The following LRRK1 variants were observed in gnomAD, a reference collection of about 807,000 sequenced individuals.
LRRK1 encodes the protein leucine rich repeat kinase 1.
Under a neutral mutation model 209.1 loss-of-function variants are expected in LRRK1, and 113 were observed. That is an observed-to-expected ratio of 0.54 (90% CI 0.46 to 0.63). The LOEUF (loss-of-function observed/expected upper bound fraction) is 0.63, where lower values mean the gene tolerates loss of function less well. LRRK1 is among the 30% of genes least tolerant of loss of function. The pLI is 0.00. For missense variants in LRRK1, 2,284 were observed against 2,632.2 expected, an observed-to-expected ratio of 0.87 and a Z score of 2.89; for synonymous variants, 1,144 against 1,099.7, an observed-to-expected ratio of 1.04 and a Z score of -0.80.
intron 6 of LRRK1, among the ~76,000 whole-genome samples, chr15:101,008,316 T>G (rs1286637444): frequency 2.0e-5 from 3 of 152,168 alleles, no homozygotes; most frequent in Non-Finnish European, 4.4e-5. Context: ...TGTCTGTATC[T>G]CAGGCTCGCT....
chr15:101,048,639 T>C lies in LRRK1; in HGVS notation c.3281T>C (p.Phe1094Ser). Reference sequence around the variant, plus strand: ...TGGCAGGAAGGGCTCCTGGTCACTTTTGATGGGGGCTACCTCAGGTAGGAA... The same window carrying C: ...TGGCAGGAAGGGCTCCTGGTCACTTCTGATGGGGGCTACCTCAGGTAGGAA... Reference protein sequence around the residue: ...IYWQEGLLVTFDGGYLSVESS... With the variant: ...IYWQEGLLVTSDGGYLSVESS... Residue 1094 changes from phenylalanine (F) to serine (S), a missense_variant, in exon 22 of 34, where the codon TTT (phenylalanine) becomes TCT (serine). Transcript: ENST00000388948. 10 of 1,533,962 alleles carry C rather than the reference T, an allele frequency of 6.5e-6. No homozygotes were observed. Among genetic ancestry groups the C allele is most frequent in the Non-Finnish European group, 7.8e-6 (9 of 1,148,756 alleles).
intron 2 of LRRK1, among the ~76,000 whole-genome samples, chr15:100,939,251 TTCTA>T (rs2042358452): frequency 6.6e-6 from 1 of 152,216 alleles, no homozygotes; most frequent in Non-Finnish European, 1.5e-5. Context: ...GTCTCTTAAT[TTCTA>T]TCTTTCTCCC....
At chr15:100,941,352 GTGTGTGTGTGTGTGCCTGTA>G (rs1567190816) in intron 2 of LRRK1, among the ~76,000 whole-genome samples, 604 of 10,788 alleles carry the variant, frequency 0.056, 17 homozygotes, top group African/African-American at 0.13. Context: ...GTGTCTTTGT[GTGTGTGTGTGTGTGCCTGTA>G]TGTGTGTGTC....
intron 30 of LRRK1, 146 bp downstream of exon 30, chr15:101,061,434 A>G (rs1192779291): frequency 6.5e-6 from 4 of 612,732 alleles, no homozygotes; most frequent in East Asian, 2.8e-5. Flanking sequence ...GCAGTCCCCA[A>G]GTAATGCCAG....
chr15:101,077,292 G>C lies in LRRK1; in HGVS notation c.*8444G>C, dbSNP rs1238371196. Reference sequence around the variant, plus strand: ...AAACTTGTCATCCCTACTATCTTCTGTCTAGTCGTACTCCTATTCACCATT... The same window carrying C: ...AAACTTGTCATCCCTACTATCTTCTCTCTAGTCGTACTCCTATTCACCATT... On this transcript the variant is annotated 3_prime_UTR_variant, in exon 34 of 34. Coordinates refer to ENST00000388948, the MANE Select transcript of LRRK1 (RefSeq NM_024652.6). 7 of 152,180 alleles carry C rather than the reference G, an allele frequency of 4.6e-5. No homozygotes were observed. Among genetic ancestry groups the C allele is most frequent in the Non-Finnish European group, 8.8e-5 (6 of 68,044 alleles). The allele number at this position is 152,180 out of a possible 1,614,324, so 9.4% of individuals were successfully genotyped here. A position where few individuals can be genotyped will look rare whatever the true frequency, so the allele number is the denominator to read the frequency against.
At position 101,010,789 on chromosome 15, in the gene LRRK1, C is replaced by A; in HGVS notation, c.1233C>A (p.Val411=). The part of the protein sequence containing the change: ...HSFKSLNSLN[V]SRNNLKVFPD... Reference sequence around the variant, plus strand: ...TCAAGTCCCTCAATTCTCTGAATGTCTCCAGAAACAACCTGAAGGTGTTTC... The same window carrying A: ...TCAAGTCCCTCAATTCTCTGAATGTATCCAGAAACAACCTGAAGGTGTTTC... The change falls in exon 9 of 34, where the codon GTC becomes GTA. Residue 411 remains valine, a synonymous_variant. Transcript: ENST00000388948. 2 of 1,614,064 alleles carry A rather than the reference C, an allele frequency of 1.2e-6. No homozygotes were observed. Among genetic ancestry groups the A allele is most frequent in the Non-Finnish European group, 1.7e-6 (2 of 1,180,006 alleles).
chr15:100,991,140 C>T (rs893435886), intron 6 of LRRK1, among the ~76,000 whole-genome samples: 2 of 152,206 alleles, frequency 1.3e-5, no homozygotes, highest in Non-Finnish European at 2.9e-5. Flanking sequence ...GCATTTTCCC[C>T]AGTACCTATA....
intron 3 of LRRK1, among the ~76,000 whole-genome samples, chr15:100,978,183 C>T (rs539210432): frequency 6.6e-6 from 1 of 151,950 alleles, no homozygotes; most frequent in South Asian, 2.1e-4. Context: ...AGAAATTACC[C>T]ACTCTGGAAC....
intron 1 of LRRK1, among the ~76,000 whole-genome samples, chr15:100,921,138 G>A (rs1484335846): frequency 6.6e-6 from 1 of 152,138 alleles, no homozygotes; most frequent in Non-Finnish European, 1.5e-5. Flanking sequence ...TGGAGCTCTT[G>A]GGGTCAGAGA....
chr15:101,057,847 T>A, intron 28 of LRRK1, 143 bp from the exon 29 acceptor site: 1 of 913,092 alleles, frequency 1.1e-6, no homozygotes, highest in East Asian at 2.5e-5. Context: ...TCTGAAGCTG[T>A]TTCAGCCTCT....
intron 7 of LRRK1, 58 bp from the exon 8 acceptor site, chr15:101,010,392 T>C: frequency 6.4e-7 from 1 of 1,560,106 alleles, no homozygotes; most frequent in Non-Finnish European, 8.6e-7. Context: ...GAAAAATATG[T>C]AAATTTGGTG....
chr15:100,953,766 C>CAAA (rs2042702068), intron 2 of LRRK1, among the ~76,000 whole-genome samples: 1 of 152,114 alleles, frequency 6.6e-6, no homozygotes, highest in African/African-American at 2.4e-5. Context: ...CATACTTTTT[C>CAAA]CCATAATGGC....
At chr15:100,977,132 A>T (rs1293973771) in intron 3 of LRRK1, among the ~76,000 whole-genome samples, 1 of 151,288 alleles carries the variant, frequency 6.6e-6, no homozygotes, top group African/African-American at 2.4e-5. Flanking sequence ...TATCTCATAC[A>T]TCCCAAACCA....
chr15:100,946,736 G>T (rs1334036879), intron 2 of LRRK1, among the ~76,000 whole-genome samples: 2 of 152,168 alleles, frequency 1.3e-5, no homozygotes, highest in Non-Finnish European at 2.9e-5. Context: ...AACAGTTTTG[G>T]AGTAAAGGAT....
chr15:101,063,153 T>C (rs1479401372), intron 31 of LRRK1, among the ~76,000 whole-genome samples: 1 of 152,166 alleles, frequency 6.6e-6, no homozygotes, highest in African/African-American at 2.4e-5. Context: ...ACGCAGTTTC[T>C]CTTTGTGCAG....
chr15:101,019,637 G>A (rs996266483), intron 12 of LRRK1, among the ~76,000 whole-genome samples: 6 of 152,144 alleles, frequency 3.9e-5, no homozygotes, highest in African/African-American at 7.2e-5. Flanking sequence ...GAGCCGAGGC[G>A]GGGTAGCTAT....
intron 31 of LRRK1, among the ~76,000 whole-genome samples, chr15:101,063,013 T>C (rs1329695461): frequency 6.6e-6 from 1 of 152,148 alleles, no homozygotes; most frequent in Non-Finnish European, 1.5e-5. Context: ...GCCCTTCCCC[T>C]ATCCGGAGCC....
At chr15:100,958,145 C>T (rs1283851270) in intron 2 of LRRK1, among the ~76,000 whole-genome samples, 11 of 152,214 alleles carry the variant, frequency 7.2e-5, no homozygotes. Context: ...CATGAACCCC[C>T]ACACCCAGCC....
At chr15:100,948,846 G>A (rs537115064) in intron 2 of LRRK1, among the ~76,000 whole-genome samples, 10 of 152,174 alleles carry the variant, frequency 6.6e-5, no homozygotes, top group Middle Eastern at 3.4e-3. Flanking sequence ...AACACATCAC[G>A]CTAACACTTA....
Sources: gnomAD v4.1 joint callset for allele counts (sites outside exome capture counted in the v4.1 genomes callset) on GRCh38, gnomAD v4.1.1 for gene constraint, MANE v1.5 for transcripts, NCBI Gene and HGNC (gene_info 2026-07-23, HGNC 2026-07-21) for gene names.